The following STK32B variants were observed in gnomAD, a reference collection of about 807,000 sequenced individuals.
The protein encoded by STK32B is serine/threonine-protein kinase 32B.
In STK32B, 43 loss-of-function variants were observed where a neutral mutation model predicts 52.6. The ratio of observed to expected loss-of-function variants is 0.82; its 90% CI spans 0.64 to 1.05. STK32B has a LOEUF of 1.05. Ranked by LOEUF, STK32B falls within the 50% of genes least tolerant of loss-of-function variation. STK32B has a pLI of 0.00. For synonymous variants in STK32B, 238 were observed against 204.3 expected (o/e 1.17, Z -1.41); for missense variants, 621 against 534.6 (o/e 1.16, Z -1.59).
intron 11 of STK32B, among the ~76,000 whole-genome samples, chr4:5,496,674 G>C (rs1315785892): frequency 6.6e-6 from 1 of 152,122 alleles, no homozygotes; most frequent in Non-Finnish European, 1.5e-5. Flanking sequence ...GACCGGAGCT[G>C]TTCCTTTTCG....
At chr4:5,039,560 C>CT in the STK32B span, among the ~76,000 whole-genome samples, 2 of 152,130 alleles carry the variant, frequency 1.3e-5, no homozygotes, top group Non-Finnish European at 1.5e-5. Flanking sequence ...TCATAACTAA[C>CT]TTTTTTCTGC....
chr4:5,395,818 T>C lies in STK32B; in HGVS notation c.435-2389T>C, dbSNP rs994420123. 6.6e-6 allele frequency among the ~76,000 whole-genome samples: 1 copy of C among 152,232 alleles called. No homozygotes were observed. The highest frequency in any genetic ancestry group is 2.1e-4 in the South Asian group (1 of 4,832). On this transcript the variant is annotated intron_variant, in intron 4 of 11. Transcript: ENST00000282908. The surrounding 1 kb of genome is among the most constrained non-coding windows in gnomAD (Gnocchi z 4.4). The stretch of plus-strand genomic sequence containing the variant: ...GTGAGACTGGAGTTGGAACACAGAC[T>C]GTCTAGATCATGGGCTGAATTCTCC...
intron 5 of STK32B, among the ~76,000 whole-genome samples, chr4:5,411,058 T>A (rs1022197214): frequency 6.7e-6 from 1 of 148,898 alleles, no homozygotes; most frequent in Admixed American, 6.7e-5. Flanking sequence ...TTTTTTGAGA[T>A]GGTGTCTCAC....
intron 2 of STK32B, among the ~76,000 whole-genome samples, chr4:5,152,572 C>T (rs1189232522): frequency 1.3e-5 from 2 of 152,240 alleles, no homozygotes; most frequent in East Asian, 3.8e-4. Flanking sequence ...GCTTCTGGAG[C>T]CTACTTCCAT....
At chr4:5,489,863 C>G (rs1719561915) in intron 11 of STK32B, among the ~76,000 whole-genome samples, 1 of 152,068 alleles carries the variant, frequency 6.6e-6, no homozygotes, top group African/African-American at 2.4e-5. Context: ...TAAGAGATTT[C>G]TGGCTGGCTA....
At chr4:5,357,223 G>A (rs74761717) in intron 4 of STK32B, among the ~76,000 whole-genome samples, 15,492 of 152,108 alleles carry the variant, frequency 0.1, 1,245 homozygotes, top group Admixed American at 0.22. Context: ...CAAATGGCAG[G>A]TTCACATTCA....
At chr4:5,145,817 T>C (rs1039456794) in intron 2 of STK32B, among the ~76,000 whole-genome samples, 1 of 152,322 alleles carries the variant, frequency 6.6e-6, no homozygotes, top group South Asian at 2.1e-4. Context: ...TGGTGTGTTT[T>C]GATACATGAA....
At chr4:5,178,520 A>G (rs1720101239) in intron 3 of STK32B, among the ~76,000 whole-genome samples, 2 of 152,194 alleles carry the variant, frequency 1.3e-5, no homozygotes, top group Non-Finnish European at 2.9e-5. Flanking sequence ...GCAAATTTCT[A>G]CAGCCGCCTT....
At chr4:5,410,123 C>T (rs1350558667) in intron 5 of STK32B, among the ~76,000 whole-genome samples, 2 of 152,140 alleles carry the variant, frequency 1.3e-5, no homozygotes, top group African/African-American at 2.4e-5. Context: ...ACAGTGGCAG[C>T]CAATGTTACA....
intron 3 of STK32B, among the ~76,000 whole-genome samples, chr4:5,234,885 T>G (rs925816912): frequency 4.6e-5 from 7 of 152,248 alleles, no homozygotes; most frequent in African/African-American, 1.7e-4. Context: ...TTGAAATAAT[T>G]TAGAAATACT....
chr4:5,066,773 G>C (rs1214780051), intron 1 of STK32B, among the ~76,000 whole-genome samples: 1 of 152,002 alleles, frequency 6.6e-6, no homozygotes, highest in Admixed American at 6.6e-5. Flanking sequence ...TCCTGCCCCA[G>C]GACCTTACTG....
chr4:5,071,662 A>G (rs913247727), intron 1 of STK32B, among the ~76,000 whole-genome samples: 2 of 152,172 alleles, frequency 1.3e-5, no homozygotes, highest in Admixed American at 1.3e-4. Flanking sequence ...TGGAGAATCA[A>G]AGGAGCTTAG....
At chr4:5,299,997 T>C (rs1324475669) in intron 3 of STK32B, among the ~76,000 whole-genome samples, 1 of 151,422 alleles carries the variant, frequency 6.6e-6, no homozygotes, top group Non-Finnish European at 1.5e-5. Context: ...AAAAGGAAGC[T>C]ACAGGCCGAG....
At chr4:5,042,844 C>T in the STK32B span, among the ~76,000 whole-genome samples, 3 of 152,040 alleles carry the variant, frequency 2.0e-5, no homozygotes, top group South Asian at 2.1e-4. Flanking sequence ...CGGTGGCTCA[C>T]GCCTGTAATC....
intron 11 of STK32B, among the ~76,000 whole-genome samples, chr4:5,497,888 G>T (rs1223509878): frequency 2.0e-5 from 3 of 152,086 alleles, no homozygotes; most frequent in African/African-American, 7.2e-5. Flanking sequence ...TCTGCACTCT[G>T]TTGGAAAGAA....
chr4:5,121,906 T>C (rs931430283), intron 1 of STK32B, among the ~76,000 whole-genome samples: 10 of 152,184 alleles, frequency 6.6e-5, no homozygotes, highest in African/African-American at 1.9e-4. Context: ...GCCAGAAAAG[T>C]TGAGGAGAAC....
chr4:5,377,041 G>C (rs1418357431), intron 4 of STK32B, among the ~76,000 whole-genome samples: 1 of 152,070 alleles, frequency 6.6e-6, no homozygotes, highest in Non-Finnish European at 1.5e-5. Flanking sequence ...CCTGCCCCCA[G>C]CTCTCCCCAC....
At chr4:5,305,618 C>T (rs1729876262) in intron 3 of STK32B, among the ~76,000 whole-genome samples, 1 of 152,058 alleles carries the variant, frequency 6.6e-6, no homozygotes, top group South Asian at 2.1e-4. Flanking sequence ...TACTAATGGT[C>T]TATCAATTTT....
chr4:5,487,863 T>C (rs1402006611), intron 11 of STK32B, among the ~76,000 whole-genome samples: 1 of 152,196 alleles, frequency 6.6e-6, no homozygotes, highest in Non-Finnish European at 1.5e-5. Context: ...GGAAGCTTGG[T>C]GAACCTTCTT....
Sources: gnomAD v4.1 joint callset for allele counts (sites outside exome capture counted in the v4.1 genomes callset) on GRCh38, gnomAD v4.1.1 for gene constraint, Gnocchi (gnomAD v3.1) non-coding constraint, MANE v1.5 for transcripts, NCBI Gene and HGNC (gene_info 2026-07-23, HGNC 2026-07-21) for gene names.